DCUN1D1: variants seen among roughly 807,000 people sequenced by gnomAD.
DCUN1D1 encodes DCN1-like protein 1.
Under a neutral mutation model 39.0 loss-of-function variants are expected in DCUN1D1, and 3 were observed. The ratio of observed to expected loss-of-function variants is 0.08; its 90% confidence interval spans 0.04 to 0.20. The LOEUF is 0.20. DCUN1D1 is among the 10% of genes least tolerant of loss of function. The pLI is 1.00. For synonymous variants in DCUN1D1, 82 were observed against 96.3 expected (o/e 0.85, Z 0.87); for missense variants, 158 against 302.4 (o/e 0.52, Z 3.54).
intron 1 of DCUN1D1, among the ~76,000 whole-genome samples, chr3:182,974,489 A>G (rs1728110226): frequency 6.6e-6 from 1 of 151,226 alleles, no homozygotes; most frequent in Non-Finnish European, 1.5e-5. Context: ...AAAAACCAAC[A>G]CACAAAAAAT....
chr3:182,979,561 A>G (rs553118190), intron 1 of DCUN1D1, among the ~76,000 whole-genome samples: 1 of 151,544 alleles, frequency 6.6e-6, no homozygotes, highest in East Asian at 1.9e-4. Flanking sequence ...AAAGTAAACA[A>G]CTCGACCACA....
intron 1 of DCUN1D1, among the ~76,000 whole-genome samples, chr3:182,978,541 A>C (rs1428789940): frequency 6.6e-6 from 1 of 151,650 alleles, no homozygotes; most frequent in Non-Finnish European, 1.5e-5. Flanking sequence ...ATGCTTGGCT[A>C]TTTTTTTTCC....
At chr3:182,980,164 C>G (rs1314000017) in intron 1 of DCUN1D1, 1 of 648,042 alleles carries the variant, frequency 1.5e-6, no homozygotes, top group Non-Finnish European at 1.9e-6. Context: ...CCTCCCCCCG[C>G]CCCAACGCCT....
In DCUN1D1 at chr3:182,940,926, A is replaced by G. The variant is rs1269696401; in HGVS notation, c.*4168T>C. 1 of 152,202 alleles carries G rather than the reference A, an allele frequency of 6.6e-6. No individual in the cohort carries two copies. 9.4% of individuals were successfully genotyped at this position (152,202 alleles called of 1,614,324 possible). A position where few individuals can be genotyped will look rare whatever the true frequency, so the allele number is the denominator to read the frequency against. On this transcript the variant is annotated 3_prime_UTR_variant, in exon 7 of 7. Transcript: ENST00000292782. Reference sequence around the variant, plus strand: ...TTTCCCTTTAAAACTCCATAAAGACATTACTTATTGAGAATTCCACTAACT... The same window carrying G: ...TTTCCCTTTAAAACTCCATAAAGACGTTACTTATTGAGAATTCCACTAACT...
intron 1 of DCUN1D1, among the ~76,000 whole-genome samples, chr3:182,966,617 A>G (rs921941123): frequency 3.3e-5 from 5 of 151,870 alleles, no homozygotes; most frequent in African/African-American, 1.2e-4. Flanking sequence ...AAGGCAGGAT[A>G]CTCTCTCCCA....
rs1726047646 is a variant in DCUN1D1 at position 182,939,576 on chromosome 3, T to C, written c.*5518A>G. ...GCAACATGGATGAACCTCAAAAACA[T>C]GCTAAGTGAAAGATGCCAGATATAA... On this transcript the variant is annotated 3_prime_UTR_variant, in exon 7 of 7. Coordinates refer to ENST00000292782, the MANE Select transcript of DCUN1D1 (RefSeq NM_020640.4). 2 of 152,084 alleles carry C rather than the reference T, an allele frequency of 1.3e-5. No individual in the cohort carries two copies. The highest frequency in any genetic ancestry group is 4.1e-4 in the South Asian group (2 of 4,824). The allele number at this position is 152,084 out of a possible 1,614,324, so 9.4% of individuals were successfully genotyped here. A position where few individuals can be genotyped will look rare whatever the true frequency, so the allele number is the denominator to read the frequency against.
At chr3:182,956,516 A>G (rs1476251113) in intron 4 of DCUN1D1, among the ~76,000 whole-genome samples, 1 of 152,246 alleles carries the variant, frequency 6.6e-6, no homozygotes, top group East Asian at 1.9e-4. Flanking sequence ...CTCTCTGGCT[A>G]TGAGTTTCCT....
rs1353627410 is a variant in DCUN1D1 at position 182,940,477 on chromosome 3, T to C, written c.*4617A>G. 1 of 152,162 alleles carries C rather than the reference T, an allele frequency of 6.6e-6. No individual in the cohort carries two copies. Among genetic ancestry groups the C allele is most frequent in the East Asian group, 1.9e-4 (1 of 5,206 alleles). The allele number at this position is 152,162 out of a possible 1,614,324, so 9.4% of individuals were successfully genotyped here. A position where few individuals can be genotyped will look rare whatever the true frequency, so the allele number is the denominator to read the frequency against. On this transcript the variant is annotated 3_prime_UTR_variant, in exon 7 of 7. Coordinates refer to ENST00000292782, the MANE Select transcript of DCUN1D1 (RefSeq NM_020640.4). ...CCTTCAGTGATTAAGCTGGCATGAA[T>C]TTCAGTCTGACTCCATTTCTTTCCA...
Position 182,945,180 on chromosome 3 carries a change from A to C in DCUN1D1, c.701-7T>G. 1.9e-6 allele frequency: 3 copies of C among 1,592,278 alleles called. No homozygotes were observed. Among genetic ancestry groups the C allele is most frequent in the Non-Finnish European group, 2.6e-6 (3 of 1,173,676 alleles). ...ATAAGAACAGGCCATGCTCCTGGAA[A>C]AAAGAAAAAATATGAAAGAAAGAGA... On this transcript the variant is annotated splice_polypyrimidine_tract_variant and splice_region_variant and intron_variant, in intron 6 of 6. Transcript: ENST00000292782.
intron 1 of DCUN1D1, among the ~76,000 whole-genome samples, chr3:182,977,205 C>T (rs565515875): frequency 1.3e-5 from 2 of 152,308 alleles, no homozygotes; most frequent in South Asian, 4.1e-4. Flanking sequence ...TTCAGTTCTG[C>T]AACCAACAAT....
At chr3:182,973,314 C>G (rs1333067519) in intron 1 of DCUN1D1, among the ~76,000 whole-genome samples, 1 of 152,126 alleles carries the variant, frequency 6.6e-6, no homozygotes, top group Non-Finnish European at 1.5e-5. Flanking sequence ...GAACAACGCA[C>G]AATTTAAAAC....
chr3:182,960,341 T>C (rs1029090836), intron 4 of DCUN1D1, among the ~76,000 whole-genome samples: 1 of 152,210 alleles, frequency 6.6e-6, no homozygotes, highest in Non-Finnish European at 1.5e-5. Context: ...GTTATTCAGC[T>C]TTCTTGTGTC....
intron 1 of DCUN1D1, among the ~76,000 whole-genome samples, chr3:182,973,018 G>A (rs1324402689): frequency 6.6e-6 from 1 of 151,942 alleles, no homozygotes; most frequent in Non-Finnish European, 1.5e-5. Context: ...CTCCAATCTG[G>A]GCAAGAAGAG....
chr3:182,965,336 GA>G (rs1727616965), intron 2 of DCUN1D1, among the ~76,000 whole-genome samples, 200 bp downstream of exon 2: 1 of 152,102 alleles, frequency 6.6e-6, no homozygotes, highest in Non-Finnish European at 1.5e-5. Context: ...AATGGGGGAG[GA>G]AAATAAAGAG....
At position 182,943,025 on chromosome 3, in the gene DCUN1D1, A is replaced by G. The variant is rs1217421596; in HGVS notation, c.*2069T>C. 6.6e-6 allele frequency: 1 copy of G among 151,248 alleles called. No individual in the cohort carries two copies. Among genetic ancestry groups the G allele is most frequent in the Admixed American group, 6.6e-5 (1 of 15,104 alleles). 9.4% of individuals were successfully genotyped at this position (151,248 alleles called of 1,614,324 possible). A position where few individuals can be genotyped will look rare whatever the true frequency, so the allele number is the denominator to read the frequency against. On this transcript the variant is annotated 3_prime_UTR_variant, in exon 7 of 7. Transcript: ENST00000292782. Reference sequence around the variant, plus strand: ...CTGATGACAAACACTATTTTGTTGAAAAGGTTTTGCATTTAAAAAGAAAAA... The same window carrying G: ...CTGATGACAAACACTATTTTGTTGAGAAGGTTTTGCATTTAAAAAGAAAAA...
chr3:182,975,851 TAAAAAAAA>T, intron 1 of DCUN1D1, among the ~76,000 whole-genome samples: 1 of 66,814 alleles, frequency 1.5e-5, no homozygotes, highest in Non-Finnish European at 2.8e-5. Flanking sequence ...CCAGATATGC[TAAAAAAAA>T]AAAAAAAAAA....
At chr3:182,972,745 C>T (rs1173208335) in intron 1 of DCUN1D1, among the ~76,000 whole-genome samples, 1 of 151,746 alleles carries the variant, frequency 6.6e-6, no homozygotes, top group Non-Finnish European at 1.5e-5. Flanking sequence ...GTCTTAACAA[C>T]AACAAAAAAA....
At chr3:182,958,471 C>T (rs990368543) in intron 4 of DCUN1D1, among the ~76,000 whole-genome samples, 30 of 152,126 alleles carry the variant, frequency 2.0e-4, no homozygotes, top group African/African-American at 7.2e-4. Context: ...AGAGTTCATT[C>T]TTTGTATTGT....
In DCUN1D1 at chr3:182,943,989, A is replaced by C. The variant is rs1376372304; in HGVS notation, c.*1105T>G. ...ATTAGCAGTTAAAGCAATTTCAACAAAATAATAAGTCATCGAAAATGGACT... is the reference window on the plus strand; with the variant it reads ...ATTAGCAGTTAAAGCAATTTCAACACAATAATAAGTCATCGAAAATGGACT... On this transcript the variant is annotated 3_prime_UTR_variant, in exon 7 of 7. Transcript: ENST00000292782. The C allele has an allele frequency of 6.6e-6, 1 of 152,656 alleles. No individual in the cohort carries two copies. The highest frequency in any genetic ancestry group is 1.5e-5 in the Non-Finnish European group (1 of 68,026). 9.5% of individuals were successfully genotyped at this position (152,656 alleles called of 1,614,324 possible).
Sources: allele counts gnomAD v4.1 joint callset (sites outside exome capture counted in the v4.1 genomes callset), GRCh38; gene constraint gnomAD v4.1.1; transcripts MANE v1.5; gene names NCBI Gene and HGNC (gene_info 2026-07-23, HGNC 2026-07-21).